ATPAF2: variants seen among roughly 807,000 people sequenced by gnomAD.
ATPAF2 encodes the protein ATP12 homolog.
In ATPAF2, 30 loss-of-function variants were observed where a neutral mutation model predicts 36.6. The observed-to-expected ratio is 0.82, with a 90% confidence interval of 0.61 to 1.11. ATPAF2 has a LOEUF of 1.11. Among genes scored for constraint, ATPAF2 ranks in the 50% most tolerant of loss-of-function variants. ATPAF2 has a pLI of 0.00. For missense variants in ATPAF2, 321 were observed against 372.3 expected, an observed-to-expected ratio of 0.86 and a Z score of 1.13; for synonymous variants, 140 against 152.6, an observed-to-expected ratio of 0.92 and a Z score of 0.61.
intron 5 of ATPAF2, among the ~76,000 whole-genome samples, chr17:18,023,730 T>C (rs181720964): frequency 2.2e-4 from 33 of 152,352 alleles, no homozygotes; most frequent in Admixed American, 1.6e-3. Flanking sequence ...TCGGGCAGCA[T>C]GTGGCAAATC....
chr17:18,034,400 CCT>C (rs2044677039), intron 1 of ATPAF2, among the ~76,000 whole-genome samples: 1 of 152,004 alleles, frequency 6.6e-6, no homozygotes, highest in South Asian at 2.1e-4. Context: ...AGCAAGACCC[CCT>C]CTCTTTAAAA....
At chr17:18,026,232 G>A (rs2044543417) in intron 4 of ATPAF2, 87 bp downstream of exon 4, 17 of 1,259,054 alleles carry the variant, frequency 1.4e-5, no homozygotes, top group Non-Finnish European at 1.8e-5. Context: ...TAAATGGAGA[G>A]GGTTTCTTCT....
At position 18,021,865 on chromosome 17, in the gene ATPAF2, GA is replaced by G; in HGVS notation, c.504-9del. 1 of 1,612,644 alleles carries G rather than the reference GA, an allele frequency of 6.2e-7. No individual in the cohort carries two copies. The highest frequency in any genetic ancestry group is 8.5e-7 in the Non-Finnish European group (1 of 1,178,732). On this transcript the variant is annotated splice_polypyrimidine_tract_variant and intron_variant, in intron 5 of 7. Coordinates refer to ENST00000474627, the MANE Select transcript of ATPAF2 (RefSeq NM_145691.4). ...CTGATCTCCACGCCGTATCTGAAAG[GA>G]AAAGGGCTTCGGCATGTCTCTGTCA...
At chr17:18,038,759 C>T (rs1196010017) in intron 1 of ATPAF2, 122 bp downstream of exon 1, 3 of 1,406,202 alleles carry the variant, frequency 2.1e-6, no homozygotes, top group African/African-American at 2.9e-5. Context: ...AAAGACCTGA[C>T]TGGCCTGCAT....
At chr17:18,015,820 G>A (rs977619839), downstream of ATPAF2, 20 of 434,350 alleles carry the variant, frequency 4.6e-5, no homozygotes, top group Non-Finnish European at 8.4e-5. Context: ...TTCCAGCGGG[G>A]ACTGCAAAGT....
downstream of ATPAF2, among the ~76,000 whole-genome samples, chr17:18,017,678 G>A (rs564887364): frequency 2.0e-5 from 3 of 152,356 alleles, no homozygotes; most frequent in East Asian, 3.9e-4. Context: ...CCCAGCATGC[G>A]ATCAGTGCCC....
At chr17:18,019,632 CAG>C (rs2044439901) in intron 7 of ATPAF2, among the ~76,000 whole-genome samples, 1 of 152,188 alleles carries the variant, frequency 6.6e-6, no homozygotes, top group South Asian at 2.1e-4. Flanking sequence ...TGTGGCTGTC[CAG>C]ACAGTGTAAG....
chr17:18,038,803 T>C, intron 1 of ATPAF2, 78 bp downstream of exon 1: 1 of 1,592,978 alleles, frequency 6.3e-7, no homozygotes, highest in Admixed American at 1.7e-5. Flanking sequence ...CTCAGTTACT[T>C]CGCTTTGCAC....
In ATPAF2 at chr17:18,026,283, C is replaced by T. The variant is rs755847869; in HGVS notation, c.422+36G>A. 3.8e-6 allele frequency: 6 copies of T among 1,567,690 alleles called. No individual in the cohort carries two copies. The Admixed American group carries it at 8.3e-5, about 22-fold the overall frequency. On this transcript the variant is annotated intron_variant, in intron 4 of 7. Coordinates refer to ENST00000474627, the MANE Select transcript of ATPAF2 (RefSeq NM_145691.4). ...CTGGGCAAATCAGGAAAAATAGCCTCAATCCAAGGGGAATGCCCATCTAAA... is the reference window on the plus strand; with the variant it reads ...CTGGGCAAATCAGGAAAAATAGCCTTAATCCAAGGGGAATGCCCATCTAAA...
At chr17:18,033,482 C>T (rs974234685) in intron 1 of ATPAF2, among the ~76,000 whole-genome samples, 19 of 151,514 alleles carry the variant, frequency 1.3e-4, no homozygotes, top group African/African-American at 3.9e-4. Context: ...TCCATGTTCT[C>T]GGTGAATACA....
At chr17:18,036,968 G>C (rs1000088630) in intron 1 of ATPAF2, among the ~76,000 whole-genome samples, 1 of 152,064 alleles carries the variant, frequency 6.6e-6, no homozygotes, top group African/African-American at 2.4e-5. Flanking sequence ...CTACTTGGGA[G>C]GCTGAGGCAG....
At chr17:18,026,653 C>T in intron 3 of ATPAF2, 1 of 586,344 alleles carries the variant, frequency 1.7e-6, no homozygotes. Flanking sequence ...GCAGCAGCCC[C>T]AGGATTAGTG....
At position 18,027,217 on chromosome 17, in the gene ATPAF2, T is replaced by TA. The variant is rs1397146251; in HGVS notation, c.325-802dup. 2.3e-3 allele frequency among the ~76,000 whole-genome samples: 320 copies of TA among 141,242 alleles called. 1 individual carries two copies. Among genetic ancestry groups the TA allele is most frequent in the African/African-American group, 4.2e-3 (161 of 38,456 alleles). The allele number at this position is 141,242 out of a possible 152,430, so 92.7% of individuals were successfully genotyped here. A position where few individuals can be genotyped will look rare whatever the true frequency, so the allele number is the denominator to read the frequency against. On this transcript the variant is annotated intron_variant, in intron 3 of 7. Transcript: ENST00000474627. ...GCCTGGGCAACAGAGTTAGACTGTT[T>TA]AAAAAAAAAAAAAAGATCTTTTTTT...
chr17:18,030,320 CAAAAAAAAAAAAA>C (rs1162130285), intron 1 of ATPAF2, among the ~76,000 whole-genome samples: 22 of 64,094 alleles, frequency 3.4e-4, no homozygotes, highest in African/African-American at 1.3e-3. Context: ...GACTCCATCT[CAAAAAAAAAAAAA>C]AAAAAAAAAA....
chr17:18,026,203 A>G, intron 4 of ATPAF2, 116 bp downstream of exon 4: 1 of 1,048,824 alleles, frequency 9.5e-7, no homozygotes, highest in Middle Eastern at 2.0e-4. Flanking sequence ...CAAGTGGGCC[A>G]CCTTCCTTGT....
intron 4 of ATPAF2, 95 bp from the exon 5 acceptor site, chr17:18,024,799 C>T: frequency 1.9e-6 from 2 of 1,047,702 alleles, no homozygotes; most frequent in Non-Finnish European, 2.9e-6. Context: ...ACAGCAAAAA[C>T]TTCACCACCA....
intron 4 of ATPAF2, 70 bp downstream of exon 4, chr17:18,026,249 G>A: frequency 7.1e-7 from 1 of 1,405,016 alleles, no homozygotes; most frequent in African/African-American, 1.4e-5. Flanking sequence ...TTCTTCCACT[G>A]ATAACCATCT....
intron 2 of ATPAF2, 106 bp downstream of exon 2, chr17:18,028,509 A>T: frequency 1.9e-6 from 3 of 1,541,004 alleles, no homozygotes; most frequent in Non-Finnish European, 2.7e-6. Flanking sequence ...TCTCACAAAA[A>T]GCAGGAAGGA....
chr17:18,026,093 C>A, intron 4 of ATPAF2: 1 of 614,206 alleles, frequency 1.6e-6, no homozygotes, highest in Admixed American at 2.4e-5. Flanking sequence ...GCCTAAGGAG[C>A]AGCTTCTGGG....
Sources: allele counts gnomAD v4.1 joint callset (sites outside exome capture counted in the v4.1 genomes callset), GRCh38; gene constraint gnomAD v4.1.1; transcripts MANE v1.5; gene names NCBI Gene and HGNC (gene_info 2026-07-23, HGNC 2026-07-21).